The following UBE3A variants were observed in gnomAD, a reference collection of about 807,000 sequenced individuals.
The protein encoded by UBE3A is ubiquitin-protein ligase E3A.
A neutral mutation model predicts 83.4 loss-of-function variants in UBE3A; 6 were observed. The ratio of observed to expected loss-of-function variants is 0.07; its 90% CI spans 0.04 to 0.14. The LOEUF (loss-of-function observed/expected upper bound fraction) is 0.14. Among genes scored for constraint, UBE3A ranks in the 10% least tolerant of loss-of-function variants. The pLI is 1.00. For missense variants in UBE3A, 456 were observed against 1,036.1 expected (o/e 0.44, Z 7.69); for synonymous variants, 337 against 355.4 (o/e 0.95, Z 0.58).
chr15:25,355,751 T>C (rs905206618), intron 9 of UBE3A, 141 bp downstream of exon 9: 9 of 839,898 alleles, frequency 1.1e-5, no homozygotes, highest in South Asian at 1.8e-5. Context: ...TTTAGAAAAG[T>C]GGACTCTAGC....
chr15:25,356,092 G>C, intron 8 of UBE3A, 36 bp from the exon 9 acceptor site: 2 of 1,605,120 alleles, frequency 1.2e-6, no homozygotes, highest in Non-Finnish European at 1.7e-6. Context: ...GGCCACCATA[G>C]AACTACAAAA....
chr15:25,414,444 A>T lies in UBE3A; in HGVS notation c.-164-2473T>A, dbSNP rs528832142. 1.8e-4 allele frequency among the ~76,000 whole-genome samples: 27 copies of T among 152,298 alleles called. No homozygotes were observed. The South Asian group carries it at 5.2e-3, about 29-fold the overall frequency. ...GAAATGGGCACAAATAAAAACCACA[A>T]TTAATTATGCAATAACAATGCACAG... On this transcript the variant is annotated intron_variant, in intron 1 of 12. Transcript: ENST00000648336.
chr15:25,380,284 A>G (rs1015861259), intron 4 of UBE3A, among the ~76,000 whole-genome samples: 1 of 152,052 alleles, frequency 6.6e-6, no homozygotes, highest in African/African-American at 2.4e-5. Flanking sequence ...CAGCAGCGTG[A>G]AAAAGGACTA....
intron 4 of UBE3A, among the ~76,000 whole-genome samples, chr15:25,382,946 T>C (rs1182825636): frequency 6.6e-6 from 1 of 151,936 alleles, no homozygotes; most frequent in African/African-American, 2.4e-5. Flanking sequence ...AATCAGTAAC[T>C]GTCCAACAAC....
intron 4 of UBE3A, among the ~76,000 whole-genome samples, chr15:25,386,296 C>T (rs778312829): frequency 4.6e-5 from 7 of 152,096 alleles, no homozygotes; most frequent in Non-Finnish European, 8.8e-5. Flanking sequence ...TTCCTTTTAC[C>T]TAGTACATCA....
intron 4 of UBE3A, among the ~76,000 whole-genome samples, chr15:25,385,781 G>T (rs2083012944): frequency 6.6e-6 from 1 of 152,062 alleles, no homozygotes; most frequent in African/African-American, 2.4e-5. Context: ...AGGAAATCCT[G>T]AAGTGTAATA....
intron 9 of UBE3A, among the ~76,000 whole-genome samples, chr15:25,355,668 G>A (rs1257259366): frequency 6.6e-6 from 1 of 152,044 alleles, no homozygotes; most frequent in Non-Finnish European, 1.5e-5. Flanking sequence ...ACTATCTCCT[G>A]CTTCATGTCC....
intron 4 of UBE3A, among the ~76,000 whole-genome samples, chr15:25,392,747 G>A (rs1460537570): frequency 2.0e-5 from 3 of 152,162 alleles, no homozygotes; most frequent in African/African-American, 4.8e-5. Flanking sequence ...AAAAGCACAG[G>A]GGCCTGAAAA....
intron 11 of UBE3A, among the ~76,000 whole-genome samples, chr15:25,344,150 T>C (rs949019409): frequency 2.6e-5 from 4 of 152,184 alleles, no homozygotes; most frequent in Non-Finnish European, 5.9e-5. Context: ...GAATAATGCA[T>C]GAACATTAAG....
At chr15:25,416,063 A>G (rs897227736) in intron 1 of UBE3A, among the ~76,000 whole-genome samples, 17 of 152,208 alleles carry the variant, frequency 1.1e-4, no homozygotes, top group African/African-American at 3.6e-4. Context: ...ATATTAAAAC[A>G]TATTAACTTA....
intron 6 of UBE3A, 127 bp from the exon 7 acceptor site, chr15:25,360,654 C>T (rs1371848639): frequency 9.5e-7 from 1 of 1,048,912 alleles, no homozygotes. Context: ...TAAATGGAAA[C>T]AGAAAGCAAA....
chr15:25,355,485 A>G (rs1467951495), intron 9 of UBE3A, among the ~76,000 whole-genome samples: 3 of 152,222 alleles, frequency 2.0e-5, no homozygotes, highest in Non-Finnish European at 4.4e-5. Context: ...AATCTGACGT[A>G]AAGTATACTT....
At position 25,336,178 on chromosome 15, in the gene UBE3A, G is replaced by C. The variant is rs554327612; in HGVS notation, c.*2959C>G. On this transcript the variant is annotated 3_prime_UTR_variant, in exon 13 of 13. Transcript: ENST00000648336. ...CACACTAACACTGTTGAGGTAAAAG[G>C]AGACAAGTGAGGGAGCAAATGGAAG... 1.1e-4 allele frequency: 16 copies of C among 152,298 alleles called. No individual in the cohort carries two copies. Among genetic ancestry groups the C allele is most frequent in the African/African-American group, 3.9e-4 (16 of 41,556 alleles). The allele number at this position is 152,298 out of a possible 1,614,324, so 9.4% of individuals were successfully genotyped here.
At chr15:25,375,437 A>G in intron 5 of UBE3A, 28 bp downstream of exon 5, 1 of 1,610,892 alleles carries the variant, frequency 6.2e-7, no homozygotes, top group Non-Finnish European at 8.5e-7. Context: ...TCAGGCAACA[A>G]TTCTCAATTG....
rs2073852765 is a variant in UBE3A, at chr15:25,334,172, C to T, written c.*4965G>A. On this transcript the variant is annotated 3_prime_UTR_variant, in exon 13 of 13. Coordinates refer to ENST00000648336, the MANE Select transcript of UBE3A (RefSeq NM_130839.5). ...GTAAAAGTATTTCTGTTCACAGATG[C>T]ATGATCTCATATGCAAAAAATACTA... is the stretch of plus-strand genomic sequence containing the variant. 3 of 151,830 alleles carry T rather than the reference C, an allele frequency of 2.0e-5. No individual in the cohort carries two copies. The highest frequency in any genetic ancestry group is 7.3e-5 in the African/African-American group (3 of 41,340). The allele number at this position is 151,830 out of a possible 1,614,324, so 9.4% of individuals were successfully genotyped here.
chr15:25,337,943 T>C lies in UBE3A; in HGVS notation c.*1194A>G, dbSNP rs1213899639. On this transcript the variant is annotated 3_prime_UTR_variant, in exon 13 of 13. Transcript: ENST00000648336. ...TAACGTTTAACATGTTTTGAATTAA[T>C]TAATTAAATTTAATCTGTGGGGCTA... is the stretch of plus-strand genomic sequence containing the variant. The C allele has an allele frequency of 6.6e-6, 1 of 152,180 alleles. No individual in the cohort carries two copies. The highest frequency in any genetic ancestry group is 1.5e-5 in the Non-Finnish European group (1 of 68,020). The allele number at this position is 152,180 out of a possible 1,614,324, so 9.4% of individuals were successfully genotyped here.
rs376491534 is a variant in UBE3A at position 25,388,386 on chromosome 15, A to T, written c.63-12623T>A. On this transcript the variant is annotated intron_variant, in intron 4 of 12. Coordinates refer to ENST00000648336, the MANE Select transcript of UBE3A (RefSeq NM_130839.5). ...AAGAAAAATCACATGACCATACCATAGATGGAGAGAAGTATGTGACAAAAT... is the reference window on the plus strand; with the variant it reads ...AAGAAAAATCACATGACCATACCATTGATGGAGAGAAGTATGTGACAAAAT... Among the ~76,000 whole-genome samples the T allele has an allele frequency of 7.9e-5, 12 of 152,350 alleles. No homozygotes were observed. The East Asian group carries it at 2.3e-3, about 29-fold the overall frequency.
intron 6 of UBE3A, among the ~76,000 whole-genome samples, chr15:25,362,013 T>C (rs1326077880): frequency 6.6e-6 from 1 of 152,164 alleles, no homozygotes; most frequent in South Asian, 2.1e-4. Context: ...CTGCAACTCA[T>C]TAGTGGGTAG....
At chr15:25,409,298 G>A (rs895969946) in intron 2 of UBE3A, 91 bp from the exon 3 acceptor site, 5 of 460,644 alleles carry the variant, frequency 1.1e-5, no homozygotes, top group Non-Finnish European at 1.6e-5. Flanking sequence ...TTCAAATTAG[G>A]TGTCAATGTA....
Sources: allele counts gnomAD v4.1 joint callset (sites outside exome capture counted in the v4.1 genomes callset), GRCh38; gene constraint gnomAD v4.1.1; transcripts MANE v1.5; gene names NCBI Gene and HGNC (gene_info 2026-07-23, HGNC 2026-07-21).